SP100: variants seen among roughly 807,000 people sequenced by gnomAD.
SP100 encodes nuclear autoantigen Sp-100.
SP100 carries 84 observed loss-of-function variants against 130.0 expected under a neutral mutation model. The observed-to-expected ratio is 0.65, with a 90% confidence interval of 0.54 to 0.77. SP100 has a LOEUF of 0.77. Ranked by LOEUF, SP100 falls within the 30% of genes least tolerant of loss-of-function variation. The pLI is 0.00. For missense variants in SP100, 978 were observed against 1,052.2 expected (o/e 0.93, Z 0.97); for synonymous variants, 331 against 351.7 (o/e 0.94, Z 0.66).
chr2:230,473,809 A>C (rs1427972844), intron 16 of SP100, among the ~76,000 whole-genome samples: 1 of 152,142 alleles, frequency 6.6e-6, no homozygotes, highest in South Asian at 2.1e-4. Flanking sequence ...ACTGGTAAAC[A>C]TAGTAGTATC....
chr2:230,485,849 G>C (rs35658621), intron 17 of SP100, among the ~76,000 whole-genome samples: 37,146 of 151,972 alleles, frequency 0.24, 6,389 homozygotes, highest in African/African-American at 0.49. Flanking sequence ...AGTCACATTG[G>C]TTTATATTAT....
At chr2:230,524,323 T>G (rs1478058796) in intron 24 of SP100, among the ~76,000 whole-genome samples, 1 of 147,094 alleles carries the variant, frequency 6.8e-6, no homozygotes, top group Non-Finnish European at 1.5e-5. Flanking sequence ...ACCATTGCAC[T>G]TCAGCCTGGG....
chr2:230,420,203 T>C (rs769275409), intron 2 of SP100, among the ~76,000 whole-genome samples: 5 of 152,186 alleles, frequency 3.3e-5, no homozygotes, highest in Non-Finnish European at 7.4e-5. Context: ...CTTGCTGGCA[T>C]AAGGGAAATC....
intron 17 of SP100, chr2:230,493,856 C>G (rs1248217458): frequency 6.5e-6 from 1 of 153,034 alleles, no homozygotes; most frequent in African/African-American, 2.4e-5. Context: ...ACTGCAATCT[C>G]CTTCCAGGTT....
At chr2:230,495,642 T>C (rs1223240785) in intron 18 of SP100, among the ~76,000 whole-genome samples, 1 of 152,202 alleles carries the variant, frequency 6.6e-6, no homozygotes, top group African/African-American at 2.4e-5. Context: ...ACTGTGAAGA[T>C]AAAAAAGACG....
chr2:230,522,555 C>A (rs796641415), intron 24 of SP100, among the ~76,000 whole-genome samples: 10 of 126,414 alleles, frequency 7.9e-5, no homozygotes, highest in African/African-American at 3.0e-4. Context: ...ATGGTGTGAT[C>A]TCAGCTCACT....
intron 17 of SP100, among the ~76,000 whole-genome samples, chr2:230,481,958 ATT>A (rs1002569504): frequency 6.6e-6 from 1 of 152,002 alleles, no homozygotes; most frequent in Non-Finnish European, 1.5e-5. Flanking sequence ...TGATCTCCAT[ATT>A]TTTTTAATTA....
intron 2 of SP100, among the ~76,000 whole-genome samples, chr2:230,423,802 G>A (rs1321046508): frequency 6.6e-6 from 1 of 152,192 alleles, no homozygotes; most frequent in African/African-American, 2.4e-5. Context: ...AAATTTCTCA[G>A]TGGAACGAGT....
chr2:230,545,501 G>A lies in SP100; in HGVS notation c.*2555G>A, dbSNP rs573555548. Among the ~76,000 whole-genome samples the A allele has an allele frequency of 5.9e-5, 9 of 152,190 alleles. No homozygotes were observed. In the East Asian group the frequency reaches 1.2e-3, roughly 20 times the overall value. ...ATGAAGTACTCTGTACAACAAACCCGTGACAAGAGTTTCCCTATATAACAA... is the reference window on the plus strand; with the variant it reads ...ATGAAGTACTCTGTACAACAAACCCATGACAAGAGTTTCCCTATATAACAA... On this transcript the variant is annotated 3_prime_UTR_variant, in exon 29 of 29. Transcript: ENST00000340126.
rs151326638 is a variant in SP100, at chr2:230,420,511, G to A, written c.107+2846G>A. On this transcript the variant is annotated intron_variant, in intron 2 of 28. Coordinates refer to ENST00000340126, the MANE Select transcript of SP100 (RefSeq NM_001080391.2). ...GGAATACTTATAATGTTTAAATTGA[G>A]GCTTTCTTATAGACACCTTTTTTCA... is the stretch of plus-strand genomic sequence containing the variant. Among the ~76,000 whole-genome samples, 168 of 152,062 alleles carry A rather than the reference G, an allele frequency of 1.1e-3. 1 individual carries two copies. The highest frequency in any genetic ancestry group is 3.9e-3 in the African/African-American group (161 of 41,486).
intron 17 of SP100, among the ~76,000 whole-genome samples, chr2:230,484,199 C>T (rs749477931): frequency 9.2e-5 from 14 of 152,208 alleles, no homozygotes; most frequent in South Asian, 6.2e-4. Context: ...ACAGTGTGAA[C>T]GCTGAAACAA....
intron 2 of SP100, among the ~76,000 whole-genome samples, chr2:230,439,662 C>T (rs1430709218): frequency 3.3e-5 from 5 of 151,780 alleles, no homozygotes; most frequent in South Asian, 2.1e-4. Context: ...TCAGCTTGAT[C>T]ATTGTTGGTG....
chr2:230,434,586 T>A (rs962656765), intron 2 of SP100, among the ~76,000 whole-genome samples: 11 of 151,406 alleles, frequency 7.3e-5, no homozygotes, highest in African/African-American at 2.4e-4. Flanking sequence ...TGTTAGGGAG[T>A]AGTAAGGGCA....
chr2:230,469,216 T>G, intron 14 of SP100, 120 bp downstream of exon 14: 1 of 679,088 alleles, frequency 1.5e-6, no homozygotes, highest in Non-Finnish European at 2.5e-6. Context: ...TTTAGATGAT[T>G]TGCATTTTAC....
chr2:230,504,084 A>G, intron 20 of SP100, 102 bp from the exon 21 acceptor site: 1 of 637,556 alleles, frequency 1.6e-6, no homozygotes, highest in African/African-American at 1.8e-5. Context: ...AAATACCTCC[A>G]ATACATTTTG....
At chr2:230,447,840 C>T (rs73000253) in intron 5 of SP100, among the ~76,000 whole-genome samples, 20,092 of 152,146 alleles carry the variant, frequency 0.13, 1,721 homozygotes, top group Non-Finnish European at 0.19. Context: ...AACCTCCATC[C>T]CTCCTCTCCC....
intron 20 of SP100, among the ~76,000 whole-genome samples, 155 bp from the exon 21 acceptor site, chr2:230,504,031 T>A (rs1320975410): frequency 6.6e-6 from 1 of 152,068 alleles, no homozygotes; most frequent in Non-Finnish European, 1.5e-5. Context: ...CTATCTAATG[T>A]GCCATGAAAG....
intron 17 of SP100, among the ~76,000 whole-genome samples, chr2:230,480,292 C>A (rs897548794): frequency 1.3e-5 from 2 of 152,106 alleles, no homozygotes; most frequent in African/African-American, 4.8e-5. Context: ...TTAATTCTAC[C>A]AGCTTGTGAA....
chr2:230,523,849 C>T (rs1691288026), intron 24 of SP100, among the ~76,000 whole-genome samples: 1 of 151,312 alleles, frequency 6.6e-6, no homozygotes, highest in South Asian at 2.1e-4. Flanking sequence ...GTAGAGGTTG[C>T]AGTAAGCTGA....
Sources: allele counts gnomAD v4.1 joint callset (sites outside exome capture counted in the v4.1 genomes callset), GRCh38; gene constraint gnomAD v4.1.1; transcripts MANE v1.5; gene names NCBI Gene and HGNC (gene_info 2026-07-23, HGNC 2026-07-21).